EYA2: variants seen among roughly 807,000 people sequenced by gnomAD.
EYA2 encodes the protein EYA transcriptional coactivator and phosphatase 2.
A neutral mutation model predicts 69.2 loss-of-function variants in EYA2; 31 were observed. That is an observed-to-expected ratio of 0.45 (90% CI 0.34 to 0.60). EYA2 has a LOEUF of 0.60. Ranked by LOEUF, EYA2 falls within the 20% of genes least tolerant of loss-of-function variation. EYA2 has a pLI of 0.02. For synonymous variants in EYA2, 257 were observed against 279.4 expected (o/e 0.92, Z 0.80); for missense variants, 622 against 701.2 (o/e 0.89, Z 1.28).
At chr20:46,908,943 T>C (rs367748919) in intron 1 of EYA2, among the ~76,000 whole-genome samples, 1 of 139,548 alleles carries the variant, frequency 7.2e-6, no homozygotes, top group Non-Finnish European at 1.5e-5. Context: ...CAAGAGATGC[T>C]AAAAATTGTT....
intron 5 of EYA2, among the ~76,000 whole-genome samples, chr20:47,019,245 G>A (rs1434028442): frequency 6.6e-6 from 1 of 152,156 alleles, no homozygotes; most frequent in Non-Finnish European, 1.5e-5. Flanking sequence ...CCTACCATGG[G>A]AATCGTCCAG....
chr20:47,121,131 G>T (rs1291561987), intron 9 of EYA2, among the ~76,000 whole-genome samples: 1 of 152,152 alleles, frequency 6.6e-6, no homozygotes, highest in Non-Finnish European at 1.5e-5. Context: ...GTCTTTCTCT[G>T]TTGCCCAGGT....
intron 2 of EYA2, among the ~76,000 whole-genome samples, chr20:47,000,071 G>A (rs1270142042): frequency 5.9e-5 from 9 of 152,294 alleles, no homozygotes; most frequent in East Asian, 1.9e-4. Flanking sequence ...GATCCACACC[G>A]TACTTCCTGT....
intron 12 of EYA2, among the ~76,000 whole-genome samples, chr20:47,175,508 TGCAA>T (rs1409932655): frequency 3.6e-4 from 55 of 152,202 alleles, no homozygotes; most frequent in African/African-American, 1.3e-3. Flanking sequence ...TAATAGTGTC[TGCAA>T]TATACACAAT....
rs918878516 is a variant in EYA2, at chr20:46,903,564, T to A, written c.-11+8577T>A. 2.6e-5 allele frequency among the ~76,000 whole-genome samples: 4 copies of A among 152,092 alleles called. 1 individual carries two copies. Among genetic ancestry groups the A allele is most frequent in the Middle Eastern group, 6.3e-3 (2 of 316 alleles). ...GGAGCCAGGCTGCTCAGGTTACACT[T>A]CCCCTCAGTGTTAACCTACTCCTGC... On this transcript the variant is annotated intron_variant, in intron 1 of 15. Coordinates refer to ENST00000327619, the MANE Select transcript of EYA2 (RefSeq NM_005244.5).
chr20:47,088,709 C>A (rs1445628205), intron 7 of EYA2, among the ~76,000 whole-genome samples: 3 of 152,164 alleles, frequency 2.0e-5, no homozygotes, highest in Non-Finnish European at 2.9e-5. Flanking sequence ...TACTCTGCCT[C>A]CCGAGTAGCT....
chr20:47,100,232 A>G (rs1319569141), intron 9 of EYA2, among the ~76,000 whole-genome samples: 1 of 152,244 alleles, frequency 6.6e-6, no homozygotes, highest in Non-Finnish European at 1.5e-5. Flanking sequence ...AAAAATGTGA[A>G]TGTGTCGCCA....
chr20:47,119,031 A>G (rs1600722384), intron 9 of EYA2, among the ~76,000 whole-genome samples: 1 of 152,216 alleles, frequency 6.6e-6, no homozygotes, highest in African/African-American at 2.4e-5. Flanking sequence ...GCTCACGATG[A>G]TAAGTGCTGA....
intron 4 of EYA2, among the ~76,000 whole-genome samples, chr20:47,012,381 T>C (rs1273585535): frequency 1.3e-5 from 2 of 152,228 alleles, no homozygotes; most frequent in Non-Finnish European, 2.9e-5. Context: ...AGAGCAGTGT[T>C]TCTCTATCTG....
At chr20:47,023,632 G>GTTTT (rs60939329) in intron 5 of EYA2, among the ~76,000 whole-genome samples, 21,930 of 87,038 alleles carry the variant, frequency 0.25, 3,249 homozygotes, top group Non-Finnish European at 0.31. Flanking sequence ...GATTTTGGGT[G>GTTTT]TTTTTTTTTT....
At chr20:47,044,144 C>A (rs1461152893) in intron 5 of EYA2, among the ~76,000 whole-genome samples, 1 of 152,192 alleles carries the variant, frequency 6.6e-6, no homozygotes, top group Non-Finnish European at 1.5e-5. Flanking sequence ...CAGGGGGCAC[C>A]ATTCACATCA....
At chr20:47,008,251 C>T (rs139160257) in intron 4 of EYA2, among the ~76,000 whole-genome samples, 1 of 152,204 alleles carries the variant, frequency 6.6e-6, no homozygotes, top group Non-Finnish European at 1.5e-5. Context: ...TCATTATCCT[C>T]CCTTGAGCGA....
intron 7 of EYA2, among the ~76,000 whole-genome samples, chr20:47,078,079 G>T (rs1313229792): frequency 6.6e-6 from 1 of 152,192 alleles, no homozygotes; most frequent in East Asian, 1.9e-4. Flanking sequence ...CATCAGGAGT[G>T]AATATAAAGG....
At chr20:46,970,869 G>A (rs6066145) in intron 1 of EYA2, among the ~76,000 whole-genome samples, 89,625 of 151,902 alleles carry the variant, frequency 0.59, 28,636 homozygotes, top group Non-Finnish European at 0.73. Context: ...CAAAAAAAGG[G>A]TCTTTTTTTA....
intron 1 of EYA2, among the ~76,000 whole-genome samples, chr20:46,967,625 G>A (rs1979870626): frequency 1.3e-5 from 2 of 152,116 alleles, no homozygotes; most frequent in Admixed American, 6.5e-5. Flanking sequence ...AGGTGCCAAG[G>A]AGCTTGCTGC....
chr20:46,977,146 C>T (rs1980512459), intron 1 of EYA2, among the ~76,000 whole-genome samples: 1 of 152,172 alleles, frequency 6.6e-6, no homozygotes, highest in South Asian at 2.1e-4. Context: ...TTTGTAAAAA[C>T]AGTACTGTAT....
chr20:47,180,763 C>T, intron 13 of EYA2, 52 bp from the exon 14 acceptor site: 5 of 1,597,182 alleles, frequency 3.1e-6, no homozygotes, highest in Non-Finnish European at 4.3e-6. Flanking sequence ...CAAGAGGAGG[C>T]CTGGCCTTGT....
At chr20:47,164,328 G>A (rs1028740886) in intron 10 of EYA2, among the ~76,000 whole-genome samples, 9 of 152,086 alleles carry the variant, frequency 5.9e-5, no homozygotes, top group African/African-American at 2.2e-4. Flanking sequence ...ACACTTTAGC[G>A]CCCCCAACAA....
chr20:46,994,976 C>T (rs1390812546), intron 2 of EYA2, among the ~76,000 whole-genome samples: 11 of 152,044 alleles, frequency 7.2e-5, no homozygotes, highest in Admixed American at 6.6e-4. Flanking sequence ...TCTCGGCTCA[C>T]TGCAACCTCT....
Sources: allele counts gnomAD v4.1 joint callset (sites outside exome capture counted in the v4.1 genomes callset), GRCh38; gene constraint gnomAD v4.1.1; transcripts MANE v1.5; gene names NCBI Gene and HGNC (gene_info 2026-07-23, HGNC 2026-07-21).